The following MSH3 variants were observed in gnomAD, a reference collection of about 807,000 sequenced individuals.
MSH3 encodes the protein DNA mismatch repair protein Msh3.
Under a neutral mutation model 123.3 loss-of-function variants are expected in MSH3, and 106 were observed. The ratio of observed to expected loss-of-function variants is 0.86; its 90% CI spans 0.73 to 1.01. MSH3 has a LOEUF of 1.01. MSH3 is among the 50% of genes least tolerant of loss of function. MSH3 has a pLI of 0.00. For synonymous variants in MSH3, 515 were observed against 481.4 expected (o/e 1.07, Z -0.91); for missense variants, 1,459 against 1,347.6 (o/e 1.08, Z -1.29).
At chr5:80,786,585 A>AT (rs1264965115) in intron 17 of MSH3, among the ~76,000 whole-genome samples, 1 of 152,232 alleles carries the variant, frequency 6.6e-6, no homozygotes, top group Non-Finnish European at 1.5e-5. Flanking sequence ...AGTAGTTACT[A>AT]TAAAGATTTA....
At chr5:80,833,254 CT>C (rs1023876761) in intron 20 of MSH3, among the ~76,000 whole-genome samples, 7 of 151,876 alleles carry the variant, frequency 4.6e-5, no homozygotes, top group African/African-American at 1.5e-4. Context: ...GGCAAACTAA[CT>C]TTAAGATGAA....
At chr5:80,656,558 C>T in intron 2 of MSH3, 27 bp downstream of exon 2, 2 of 1,613,598 alleles carry the variant, frequency 1.2e-6, no homozygotes, top group Non-Finnish European at 8.5e-7. Flanking sequence ...TCTTTTTTCT[C>T]CTCAGTCATG....
intron 8 of MSH3, 126 bp downstream of exon 8, chr5:80,679,219 T>A (rs1749912785): frequency 2.0e-6 from 2 of 1,022,980 alleles, no homozygotes; most frequent in Non-Finnish European, 2.9e-6. Context: ...ACTGTAGTAG[T>A]GGAAATTTAA....
chr5:80,796,049 GAT>G (rs1207103988), intron 19 of MSH3, among the ~76,000 whole-genome samples: 5 of 151,424 alleles, frequency 3.3e-5, no homozygotes, highest in African/African-American at 1.2e-4. Flanking sequence ...ATACCAGTAG[GAT>G]ATAGCTTTTC....
At chr5:80,821,972 A>G (rs1294746549) in intron 20 of MSH3, among the ~76,000 whole-genome samples, 1 of 152,254 alleles carries the variant, frequency 6.6e-6, no homozygotes, top group Non-Finnish European at 1.5e-5. Context: ...AACCAGTGGT[A>G]TTAGGGTAAC....
chr5:80,719,051 T>C (rs904435011), intron 8 of MSH3, among the ~76,000 whole-genome samples: 1 of 147,542 alleles, frequency 6.8e-6, no homozygotes, highest in Non-Finnish European at 1.5e-5. Context: ...GAAATGGTAT[T>C]TTTTTTTTTT....
At chr5:80,713,002 G>T (rs1354635587) in intron 8 of MSH3, among the ~76,000 whole-genome samples, 1 of 152,050 alleles carries the variant, frequency 6.6e-6, no homozygotes, top group Non-Finnish European at 1.5e-5. Flanking sequence ...TACTCGGCTT[G>T]GAACTCATCA....
At chr5:80,832,128 A>T (rs1745430936) in intron 20 of MSH3, among the ~76,000 whole-genome samples, 1 of 152,006 alleles carries the variant, frequency 6.6e-6, no homozygotes, top group Non-Finnish European at 1.5e-5. Flanking sequence ...AAAAAACAAA[A>T]AAACAAAAAA....
intron 20 of MSH3, among the ~76,000 whole-genome samples, chr5:80,846,013 G>A (rs1745713759): frequency 6.6e-6 from 1 of 152,128 alleles, no homozygotes; most frequent in Non-Finnish European, 1.5e-5. Context: ...CTGCTTTTCT[G>A]CTGTGGTTTC....
intron 19 of MSH3, among the ~76,000 whole-genome samples, chr5:80,805,716 T>C (rs1744877275): frequency 6.7e-6 from 1 of 150,240 alleles, no homozygotes; most frequent in South Asian, 2.1e-4. Flanking sequence ...TGCCTCAGCC[T>C]CCTGAGTAGC....
At chr5:80,746,353 C>T (rs535474391) in intron 12 of MSH3, 21 of 386,650 alleles carry the variant, frequency 5.4e-5, no homozygotes, top group East Asian at 2.3e-4. Flanking sequence ...CTGTTCACAC[C>T]GCTGGTTCGC....
At position 80,673,414 on chromosome 5, in the gene MSH3, A is replaced by G. The variant is rs1749764887; in HGVS notation, c.1027+556A>G. The stretch of plus-strand genomic sequence containing the variant: ...CATGTTGGCACTTGCCCGTAGTCCC[A>G]GCTACTTGGGTGGCTGAGGTGGGAC... On this transcript the variant is annotated intron_variant, in intron 6 of 23. Transcript: ENST00000265081. Among the ~76,000 whole-genome samples, 3 of 152,278 alleles carry G rather than the reference A, an allele frequency of 2.0e-5. No homozygotes were observed. In the East Asian group the frequency reaches 5.8e-4, roughly 29 times the overall value.
At chr5:80,865,410 C>T (rs1746082465) in intron 22 of MSH3, among the ~76,000 whole-genome samples, 2 of 152,150 alleles carry the variant, frequency 1.3e-5, no homozygotes, top group South Asian at 4.1e-4. Flanking sequence ...GAAACTGAAT[C>T]TCAGACAGGT....
intron 8 of MSH3, among the ~76,000 whole-genome samples, chr5:80,696,982 GT>G (rs1750497021): frequency 1.3e-5 from 2 of 152,136 alleles, no homozygotes; most frequent in African/African-American, 4.8e-5. Flanking sequence ...AAGAATGTTA[GT>G]ATATTTTTAA....
At chr5:80,745,185 C>T (rs771824495) in intron 12 of MSH3, among the ~76,000 whole-genome samples, 4 of 152,186 alleles carry the variant, frequency 2.6e-5, no homozygotes, top group Admixed American at 6.5e-5. Flanking sequence ...GTCTGCACAT[C>T]GGAATCACCT....
chr5:80,748,191 C>T (rs1045305721), intron 12 of MSH3, among the ~76,000 whole-genome samples: 2 of 152,142 alleles, frequency 1.3e-5, no homozygotes, highest in African/African-American at 2.4e-5. Context: ...CATGAATTCT[C>T]CTAAATCCCT....
chr5:80,717,679 C>T (rs1750990989), intron 8 of MSH3, among the ~76,000 whole-genome samples: 1 of 152,112 alleles, frequency 6.6e-6, no homozygotes, highest in African/African-American at 2.4e-5. Context: ...CACTTTTTGT[C>T]TTTGTGACAA....
intron 18 of MSH3, among the ~76,000 whole-genome samples, chr5:80,790,503 T>C (rs1418030145): frequency 1.3e-5 from 2 of 152,216 alleles, no homozygotes; most frequent in African/African-American, 2.4e-5. Context: ...CATTTTGTTA[T>C]TTCTTCATCC....
intron 19 of MSH3, among the ~76,000 whole-genome samples, chr5:80,796,414 A>G (rs1325790233): frequency 1.3e-5 from 2 of 151,720 alleles, no homozygotes; most frequent in Non-Finnish European, 2.9e-5. Context: ...TTTCTATTAC[A>G]TATGCTTTTT....
Sources: gnomAD v4.1 joint callset for allele counts (sites outside exome capture counted in the v4.1 genomes callset) on GRCh38, gnomAD v4.1.1 for gene constraint, MANE v1.5 for transcripts, NCBI Gene and HGNC (gene_info 2026-07-23, HGNC 2026-07-21) for gene names.